MEGF6: variants seen among roughly 807,000 people sequenced by gnomAD.
MEGF6 encodes multiple epidermal growth factor-like domains protein 6.
A neutral mutation model predicts 207.1 loss-of-function variants in MEGF6; 184 were observed. The observed-to-expected ratio is 0.89, with a 90% CI of 0.79 to 1.00. The LOEUF (loss-of-function observed/expected upper bound fraction) is 1.00, where lower values mean the gene tolerates loss of function less well. MEGF6 is among the 50% of genes least tolerant of loss of function. The pLI, the probability that MEGF6 is intolerant of heterozygous loss-of-function variation, is 0.00. For synonymous variants in MEGF6, 1,038 were observed against 910.0 expected, an observed-to-expected ratio of 1.14 and a Z score of -2.53; for missense variants, 2,282 against 2,202.9, an observed-to-expected ratio of 1.04 and a Z score of -0.72.
At chr1:3,506,064 C>A in intron 15 of MEGF6, 44 bp downstream of exon 15, 1 of 1,543,968 alleles carries the variant, frequency 6.5e-7, no homozygotes, top group South Asian at 1.2e-5. Flanking sequence ...TCCCTTCCAC[C>A]CGCTGCCACC....
intron 4 of MEGF6, among the ~76,000 whole-genome samples, chr1:3,530,874 C>T (rs1226511400): frequency 6.6e-6 from 1 of 152,238 alleles, no homozygotes; most frequent in Non-Finnish European, 1.5e-5. Flanking sequence ...TGCCGACAGC[C>T]CTGAGAGGGG....
intron 3 of MEGF6, among the ~76,000 whole-genome samples, chr1:3,581,460 T>C (rs1421901521): frequency 1.3e-5 from 2 of 152,112 alleles, no homozygotes; most frequent in African/African-American, 4.8e-5. Flanking sequence ...GGATGGAAGT[T>C]GCCATGACCC....
chr1:3,573,150 T>G lies in MEGF6; in HGVS notation c.481+6675A>C, dbSNP rs1331873043. Among the ~76,000 whole-genome samples, 5 of 136,604 alleles carry G rather than the reference T, an allele frequency of 3.7e-5. No homozygotes were observed. The highest frequency in any genetic ancestry group is 1.4e-4 in the Admixed American group (2 of 13,868). The allele number at this position is 136,604 out of a possible 152,430, so 89.6% of individuals were successfully genotyped here. A position where few individuals can be genotyped will look rare whatever the true frequency, so the allele number is the denominator to read the frequency against. On this transcript the variant is annotated intron_variant, in intron 4 of 36. Coordinates refer to ENST00000356575, the MANE Select transcript of MEGF6 (RefSeq NM_001409.4). The surrounding 1 kb of genome is among the most constrained non-coding windows in gnomAD (Gnocchi z 5.1). ...GTGCTGGGTCCTCCCTGGTGGGCTGTGTTCCCTCAGGTGTGCTGGGTCCTC... is the reference window on the plus strand; with the variant it reads ...GTGCTGGGTCCTCCCTGGTGGGCTGGGTTCCCTCAGGTGTGCTGGGTCCTC...
chr1:3,501,424 T>C (rs750498354), intron 18 of MEGF6, 116 bp from the exon 19 acceptor site: 58 of 1,403,360 alleles, frequency 4.1e-5, no homozygotes, highest in Non-Finnish European at 5.5e-5. Flanking sequence ...ACTGTTACCA[T>C]CTCAGCCTGC....
chr1:3,580,854 G>A lies in MEGF6; in HGVS notation c.377-925C>T, dbSNP rs115978881. Among the ~76,000 whole-genome samples the A allele has an allele frequency of 1.3e-3, 192 of 152,214 alleles. 2 individuals are homozygous for A. The highest frequency in any genetic ancestry group is 3.4e-3 in the Middle Eastern group (1 of 294). On this transcript the variant is annotated intron_variant, in intron 3 of 36. Transcript: ENST00000356575. ...ACCTGAGACCCCCTGCCCCACCCCG[G>A]AGCCTGTGTGACCTGTGGGCTCAGT...
intron 4 of MEGF6, among the ~76,000 whole-genome samples, chr1:3,551,024 GGAA>G (rs1316848231): frequency 2.6e-5 from 4 of 152,238 alleles, no homozygotes; most frequent in Non-Finnish European, 2.9e-5. Context: ...AGGCAGGTGA[GGAA>G]GAAGATGTGG....
intron 4 of MEGF6, among the ~76,000 whole-genome samples, chr1:3,555,729 G>A (rs1416405925): frequency 6.6e-6 from 1 of 152,202 alleles, no homozygotes; most frequent in Non-Finnish European, 1.5e-5. Flanking sequence ...GGTGCCTGCT[G>A]CCGCTCATGC....
intron 4 of MEGF6, among the ~76,000 whole-genome samples, chr1:3,526,108 A>C (rs1570054644): frequency 6.6e-6 from 1 of 152,166 alleles, no homozygotes; most frequent in Non-Finnish European, 1.5e-5. Context: ...CTGCCCAGAG[A>C]ACACGCCATG....
intron 17 of MEGF6, 141 bp downstream of exon 17, chr1:3,505,059 CAACACCGG>C: frequency 8.8e-7 from 1 of 1,131,362 alleles, no homozygotes; most frequent in Non-Finnish European, 1.3e-6. Flanking sequence ...GGTAGCAAGG[CAACACCGG>C]TAGCAAGGCA....
chr1:3,518,941 G>A (rs1199458111), intron 5 of MEGF6, among the ~76,000 whole-genome samples: 1 of 152,160 alleles, frequency 6.6e-6, no homozygotes, highest in East Asian at 1.9e-4. Flanking sequence ...GTTGCACAGG[G>A]GCACTACTGA....
intron 17 of MEGF6, among the ~76,000 whole-genome samples, chr1:3,504,677 C>G (rs1319721103): frequency 6.6e-6 from 1 of 152,156 alleles, no homozygotes; most frequent in East Asian, 1.9e-4. Context: ...AGCCTCCTCC[C>G]CTGCCTGCTA....
chr1:3,504,224 T>G (rs1405919636), intron 17 of MEGF6, among the ~76,000 whole-genome samples: 1 of 152,162 alleles, frequency 6.6e-6, no homozygotes, highest in East Asian at 1.9e-4. Flanking sequence ...CAGGCCCTCG[T>G]GGCTCCCGTC....
intron 26 of MEGF6, among the ~76,000 whole-genome samples, 200 bp downstream of exon 26, chr1:3,498,169 ACT>A (rs1640689955): frequency 1.3e-5 from 2 of 152,060 alleles, no homozygotes; most frequent in South Asian, 4.1e-4. Flanking sequence ...AAGCAGCAGC[ACT>A]CTGTCCCCAC....
intron 3 of MEGF6, among the ~76,000 whole-genome samples, chr1:3,590,753 T>G (rs1570213398): frequency 1.4e-5 from 2 of 145,064 alleles, no homozygotes; most frequent in African/African-American, 2.5e-5. Context: ...GGCTGGAGGG[T>G]GATGGAGAAA....
At chr1:3,608,233 C>T (rs892406369) in intron 1 of MEGF6, among the ~76,000 whole-genome samples, 5 of 152,168 alleles carry the variant, frequency 3.3e-5, no homozygotes. Flanking sequence ...CCTGGGGCCC[C>T]TCGGACTCTC....
At chr1:3,526,588 A>G (rs1239447598) in intron 4 of MEGF6, among the ~76,000 whole-genome samples, 1 of 152,042 alleles carries the variant, frequency 6.6e-6, no homozygotes, top group Non-Finnish European at 1.5e-5. Flanking sequence ...TAATAGAGAC[A>G]GGGTTTCGCC....
At chr1:3,575,630 A>C (rs1570171014) in intron 4 of MEGF6, among the ~76,000 whole-genome samples, 3 of 82,434 alleles carry the variant, frequency 3.6e-5, no homozygotes, top group African/African-American at 1.3e-4. Flanking sequence ...GGAGCAAGTC[A>C]CATCTTACAT....
At chr1:3,544,874 T>C (rs1341606792) in intron 4 of MEGF6, among the ~76,000 whole-genome samples, 1 of 151,884 alleles carries the variant, frequency 6.6e-6, no homozygotes, top group Non-Finnish European at 1.5e-5. Flanking sequence ...GGGGGCAGGG[T>C]GGCCGAGGGG....
chr1:3,579,753 C>T, intron 4 of MEGF6, 72 bp downstream of exon 4: 5 of 1,142,334 alleles, frequency 4.4e-6, no homozygotes, highest in Non-Finnish European at 3.5e-6. Context: ...CGGCCAGTGG[C>T]CGACACATCC....
Sources: gnomAD v4.1 joint callset for allele counts (sites outside exome capture counted in the v4.1 genomes callset) on GRCh38, gnomAD v4.1.1 for gene constraint, Gnocchi (gnomAD v3.1) non-coding constraint, MANE v1.5 for transcripts, NCBI Gene and HGNC (gene_info 2026-07-23, HGNC 2026-07-21) for gene names.